RPS6KC1: variants seen among roughly 807,000 people sequenced by gnomAD.
The protein encoded by RPS6KC1 is inactive ribosomal protein S6 kinase delta-1.
In RPS6KC1, 54 loss-of-function variants were observed where a neutral mutation model predicts 103.8. That is an observed-to-expected ratio of 0.52 (90% CI 0.42 to 0.65). The LOEUF (loss-of-function observed/expected upper bound fraction) is 0.65. Among genes scored for constraint, RPS6KC1 ranks in the 30% least tolerant of loss-of-function variants. The probability of loss-of-function intolerance (pLI) is 0.00; values close to 1 mark genes in which losing one functional copy is unlikely to be tolerated. For missense variants in RPS6KC1, 1,151 were observed against 1,253.8 expected, an observed-to-expected ratio of 0.92 and a Z score of 1.24; for synonymous variants, 439 against 438.7, an observed-to-expected ratio of 1.00 and a Z score of -0.01.
At chr1:213,284,816 A>G in the RPS6KC1 span, among the ~76,000 whole-genome samples, 11 of 152,334 alleles carry the variant, frequency 7.2e-5, no homozygotes, top group East Asian at 2.1e-3. Context: ...AGGAAAAAGT[A>G]CTTTGAGCTT....
chr1:213,106,243 A>C (rs961654462), intron 4 of RPS6KC1, among the ~76,000 whole-genome samples: 2 of 152,160 alleles, frequency 1.3e-5, no homozygotes, highest in African/African-American at 2.4e-5. Context: ...AGAGATAATC[A>C]AGCAAGAAAA....
chr1:213,855,209 A>G, the RPS6KC1 span, among the ~76,000 whole-genome samples: 1 of 152,190 alleles, frequency 6.6e-6, no homozygotes, highest in Admixed American at 6.5e-5. Flanking sequence ...AGTCCATAGC[A>G]CTTTCCCAGA....
chr1:213,296,293 T>C, the RPS6KC1 span, among the ~76,000 whole-genome samples: 1 of 152,224 alleles, frequency 6.6e-6, no homozygotes, highest in African/African-American at 2.4e-5. Flanking sequence ...CCCAGATTGT[T>C]GCTGAGAGCC....
the RPS6KC1 span, among the ~76,000 whole-genome samples, chr1:213,797,575 G>A: frequency 5.3e-5 from 8 of 152,182 alleles, no homozygotes; most frequent in Non-Finnish European, 7.4e-5. Flanking sequence ...CTCTGCACGG[G>A]AAGTCCTTAA....
At chr1:213,463,518 T>C in the RPS6KC1 span, among the ~76,000 whole-genome samples, 5 of 152,150 alleles carry the variant, frequency 3.3e-5, no homozygotes, top group African/African-American at 1.2e-4. Context: ...TGCAAAACCA[T>C]AGTACTGAAA....
intron 6 of RPS6KC1, among the ~76,000 whole-genome samples, chr1:213,167,233 G>A (rs1022240293): frequency 1.3e-5 from 2 of 152,146 alleles, no homozygotes; most frequent in Non-Finnish European, 2.9e-5. Context: ...GTGATGAGGG[G>A]AAGGGGTAGA....
the RPS6KC1 span, among the ~76,000 whole-genome samples, chr1:213,350,590 C>A: frequency 1.3e-5 from 2 of 152,060 alleles, no homozygotes; most frequent in Non-Finnish European, 2.9e-5. Context: ...CATAATAGAG[C>A]TGGAAGAGAT....
chr1:213,531,169 C>T, the RPS6KC1 span, among the ~76,000 whole-genome samples: 5 of 152,254 alleles, frequency 3.3e-5, no homozygotes, highest in South Asian at 2.1e-4. Context: ...AAGGGAACCC[C>T]GGTTCCCTCC....
At chr1:213,072,607 C>G (rs983512066) in intron 2 of RPS6KC1, among the ~76,000 whole-genome samples, 2 of 151,610 alleles carry the variant, frequency 1.3e-5, no homozygotes, top group African/African-American at 4.8e-5. Context: ...ACAATTCATT[C>G]CCTACCAGGA....
At chr1:213,721,887 T>C in the RPS6KC1 span, among the ~76,000 whole-genome samples, 5 of 152,152 alleles carry the variant, frequency 3.3e-5, no homozygotes, top group Non-Finnish European at 4.4e-5. Flanking sequence ...CATACACAAC[T>C]GGTGTTGAAA....
the RPS6KC1 span, among the ~76,000 whole-genome samples, chr1:213,464,449 T>C: frequency 6.6e-6 from 1 of 152,194 alleles, no homozygotes; most frequent in Admixed American, 6.5e-5. Context: ...CATAGTACCT[T>C]TTTCCATTTA....
At chr1:213,152,004 G>A (rs560213512) in intron 6 of RPS6KC1, among the ~76,000 whole-genome samples, 13 of 134,400 alleles carry the variant, frequency 9.7e-5, no homozygotes, top group East Asian at 2.4e-4. Context: ...AGGGGTGGCC[G>A]GGCAGAGGCG....
the RPS6KC1 span, among the ~76,000 whole-genome samples, chr1:213,355,896 T>C: frequency 6.6e-6 from 1 of 152,220 alleles, no homozygotes; most frequent in Non-Finnish European, 1.5e-5. Flanking sequence ...CTGTGTAATC[T>C]TGGACAGTTA....
chr1:213,486,304 G>T, the RPS6KC1 span, among the ~76,000 whole-genome samples: 1 of 152,150 alleles, frequency 6.6e-6, no homozygotes, highest in Non-Finnish European at 1.5e-5. Flanking sequence ...AATATGTACA[G>T]ATCTTTACAT....
At chr1:213,124,269 A>G (rs1490154934) in intron 5 of RPS6KC1, among the ~76,000 whole-genome samples, 2 of 152,154 alleles carry the variant, frequency 1.3e-5, no homozygotes, top group Non-Finnish European at 2.9e-5. Flanking sequence ...TTGGTGAAGG[A>G]TGCACCTTTT....
At chr1:213,434,214 C>T in the RPS6KC1 span, among the ~76,000 whole-genome samples, 2 of 151,844 alleles carry the variant, frequency 1.3e-5, no homozygotes, top group African/African-American at 4.8e-5. Context: ...GCCTAAAGGA[C>T]GTCCTTTAAC....
chr1:213,691,305 C>T, the RPS6KC1 span, among the ~76,000 whole-genome samples: 17 of 152,316 alleles, frequency 1.1e-4, no homozygotes, highest in Non-Finnish European at 2.4e-4. Flanking sequence ...AATACTTGAG[C>T]GGATATGCTG....
At chr1:213,156,415 A>T (rs1461094780) in intron 6 of RPS6KC1, among the ~76,000 whole-genome samples, 1 of 152,216 alleles carries the variant, frequency 6.6e-6, no homozygotes, top group Admixed American at 6.5e-5. Context: ...GAGAGGGGGA[A>T]ACAAAATATT....
At chr1:213,379,678 T>C in the RPS6KC1 span, among the ~76,000 whole-genome samples, 1 of 152,168 alleles carries the variant, frequency 6.6e-6, no homozygotes, top group Non-Finnish European at 1.5e-5. Context: ...ACTCCTCCTC[T>C]CCCTCTCTTC....
Sources: gnomAD v4.1 joint callset for allele counts (sites outside exome capture counted in the v4.1 genomes callset) on GRCh38, gnomAD v4.1.1 for gene constraint, MANE v1.5 for transcripts, NCBI Gene and HGNC (gene_info 2026-07-23, HGNC 2026-07-21) for gene names.